The following ANKRD40 variants were observed in gnomAD, a reference collection of about 807,000 sequenced individuals.
The protein encoded by ANKRD40 is ankyrin repeat domain 40.
Under a neutral mutation model 35.5 loss-of-function variants are expected in ANKRD40, and 24 were observed. That is an observed-to-expected ratio of 0.68 (90% CI 0.49 to 0.95). The LOEUF (loss-of-function observed/expected upper bound fraction) is 0.95. Among genes scored for constraint, ANKRD40 ranks in the 40% least tolerant of loss-of-function variants. The pLI is 0.00. For missense variants in ANKRD40, 361 were observed against 436.0 expected (o/e 0.83, Z 1.53); for synonymous variants, 147 against 173.5 (o/e 0.85, Z 1.20).
At position 50,696,105 on chromosome 17, in the gene ANKRD40, C is replaced by T. The variant is rs367712743; in HGVS notation, c.999G>A (p.Leu333=). The T allele has an allele frequency of 6.8e-6, 11 of 1,614,068 alleles. No individual in the cohort carries two copies. The highest frequency in any genetic ancestry group is 9.3e-6 in the Non-Finnish European group (11 of 1,180,042). The stretch of plus-strand genomic sequence containing the variant: ...TTTCACTTATCATCAGAACCAGTTC[C>T]AGCTCCTGGAAATCTTGGAGTCGAG... ...DVARLQDFQE[L]ELVLMISENN... The change falls in exon 5 of 5, where the codon CTG becomes CTA. Residue 333 remains leucine, a synonymous_variant. Transcript: ENST00000285243.
chr17:50,697,301 C>T (rs955280820), intron 3 of ANKRD40, among the ~76,000 whole-genome samples, 180 bp from the exon 4 acceptor site: 3 of 152,192 alleles, frequency 2.0e-5, no homozygotes, highest in Non-Finnish European at 4.4e-5. Context: ...CCAGCTCTGC[C>T]TCTGCTGGGG....
At chr17:50,702,757 A>G (rs943135919) in intron 1 of ANKRD40, among the ~76,000 whole-genome samples, 53 of 152,306 alleles carry the variant, frequency 3.5e-4, no homozygotes, top group Non-Finnish European at 5.9e-5. Flanking sequence ...AAGCAGGGTT[A>G]AGTCAACATA....
chr17:50,699,274 G>A, intron 3 of ANKRD40, 125 bp downstream of exon 3: 2 of 1,294,600 alleles, frequency 1.5e-6, no homozygotes, highest in Non-Finnish European at 2.1e-6. Flanking sequence ...AGTAAAGGGA[G>A]TTCCTTATGT....
At chr17:50,697,416 C>T (rs1968213072) in intron 3 of ANKRD40, among the ~76,000 whole-genome samples, 1 of 152,144 alleles carries the variant, frequency 6.6e-6, no homozygotes, top group Non-Finnish European at 1.5e-5. Flanking sequence ...TTACTTCTGC[C>T]ATTGGAGCTA....
Position 50,699,878 on chromosome 17 carries a change from T to A in ANKRD40, c.299A>T (p.Asp100Val). The A allele has an allele frequency of 2.6e-6, 4 of 1,510,462 alleles. No homozygotes were observed. Among genetic ancestry groups the A allele is most frequent in the Non-Finnish European group, 3.5e-6 (4 of 1,130,210 alleles). 93.6% of individuals were successfully genotyped at this position (1,510,462 alleles called of 1,614,324 possible). A position where few individuals can be genotyped will look rare whatever the true frequency, so the allele number is the denominator to read the frequency against. Reference protein sequence around the residue: ...RKIMGVEEEDDDDDDDDNLPQ... With the variant: ...RKIMGVEEEDVDDDDDDNLPQ... ...GAGGTTGTCATCATCATCATCATCA[T>A]CATCTTCTTCTTCCACTTAAAAAGA... Residue 100 changes from aspartate (D) to valine (V), a missense_variant, in exon 3 of 5, where the codon GAT becomes GTT. Asp to Val is a radical substitution (Grantham distance 152). Around this residue, in one of 5 missense-constraint regions of ANKRD40, gnomAD observed 172 missense variants for 174.0 expected, o/e 0.99. Coordinates refer to ENST00000285243, the MANE Select transcript of ANKRD40 (RefSeq NM_052855.4).
rs1968177869 is a variant in ANKRD40, at chr17:50,694,851, T to C, written c.*1146A>G. On this transcript the variant is annotated 3_prime_UTR_variant, in exon 5 of 5. Coordinates refer to ENST00000285243, the MANE Select transcript of ANKRD40 (RefSeq NM_052855.4). ...AACAGATTTCAGAATTGTGTAAAAA[T>C]CCTAATAATTTCAAAATAACCTTTA... is the stretch of plus-strand genomic sequence containing the variant. 2 of 152,114 alleles carry C rather than the reference T, an allele frequency of 1.3e-5. No homozygotes were observed. The allele number at this position is 152,114 out of a possible 1,614,324, so 9.4% of individuals were successfully genotyped here. A position where few individuals can be genotyped will look rare whatever the true frequency, so the allele number is the denominator to read the frequency against.
Position 50,697,043 on chromosome 17 carries a change from T to A in ANKRD40, c.857A>T (p.Glu286Val), listed in dbSNP as rs1226910154. The change falls in exon 4 of 5, where the codon GAG becomes GTG. Residue 286 changes from glutamate to valine, a missense_variant. By Grantham distance (121) the Glu-to-Val change is moderately radical. Transcript: ENST00000285243. ...TCTGAGCAACTCTTGGTAGGTGAGC[T>A]CCTGTCGGTCCAGTTCAATTTCAAT... ...DFIEIELDRQ[E>V]LTYQELLRVC... is the part of the protein sequence containing the mutation. The A allele has an allele frequency of 6.2e-7, 1 of 1,614,032 alleles. No homozygotes were observed. Among genetic ancestry groups the A allele is most frequent in the Non-Finnish European group, 8.5e-7 (1 of 1,180,022 alleles).
intron 1 of ANKRD40, among the ~76,000 whole-genome samples, chr17:50,706,248 A>G (rs1968336557): frequency 6.6e-6 from 1 of 151,550 alleles, no homozygotes; most frequent in African/African-American, 2.4e-5. Context: ...CAGCCTCCCA[A>G]GTAGCTGAGA....
Position 50,693,276 on chromosome 17 carries a change from T to G in ANKRD40, c.*2721A>C, listed in dbSNP as rs1362959901. Reference sequence around the variant, plus strand: ...GCACAAAGAAAAAATCTTCAGTGAATGTTTACACACAGTGTGAACACATGC... The same window carrying G: ...GCACAAAGAAAAAATCTTCAGTGAAGGTTTACACACAGTGTGAACACATGC... On this transcript the variant is annotated 3_prime_UTR_variant, in exon 5 of 5. Coordinates refer to ENST00000285243, the MANE Select transcript of ANKRD40 (RefSeq NM_052855.4). The G allele has an allele frequency of 1.3e-5, 2 of 152,194 alleles. No individual in the cohort carries two copies. Among genetic ancestry groups the G allele is most frequent in the Non-Finnish European group, 2.9e-5 (2 of 68,038 alleles). The allele number at this position is 152,194 out of a possible 1,614,324, so 9.4% of individuals were successfully genotyped here. A position where few individuals can be genotyped will look rare whatever the true frequency, so the allele number is the denominator to read the frequency against.
chr17:50,693,547 T>C lies in ANKRD40; in HGVS notation c.*2450A>G, dbSNP rs1335225551. ...AGGACAGAGATACATCAAACCCACC[T>C]CTCACCAGAGACACCAGTCCCTTGC... On this transcript the variant is annotated 3_prime_UTR_variant, in exon 5 of 5. Transcript: ENST00000285243. The C allele has an allele frequency of 6.6e-6, 1 of 152,190 alleles. No homozygotes were observed. The highest frequency in any genetic ancestry group is 1.5e-5 in the Non-Finnish European group (1 of 68,072). The allele number at this position is 152,190 out of a possible 1,614,324, so 9.4% of individuals were successfully genotyped here.
chr17:50,705,782 T>C (rs1473257625), intron 1 of ANKRD40, among the ~76,000 whole-genome samples: 1 of 151,020 alleles, frequency 6.6e-6, no homozygotes, highest in Non-Finnish European at 1.5e-5. Flanking sequence ...TGCTGCAGCA[T>C]CCCAAGTAGC....
Position 50,696,926 on chromosome 17 carries a change from T to TA in ANKRD40, c.960+13dup. The TA allele has an allele frequency of 1.3e-6, 2 of 1,581,534 alleles. No homozygotes were observed. The highest frequency in any genetic ancestry group is 1.7e-6 in the Non-Finnish European group (2 of 1,163,648). ...AATGCAAAAAGCAGCCATTCATGCTTAGACTTTTCTTACCTTCCTTAACAG... is the reference window on the plus strand; with the variant it reads ...AATGCAAAAAGCAGCCATTCATGCTTAAGACTTTTCTTACCTTCCTTAACAG... On this transcript the variant is annotated intron_variant, in intron 4 of 4. Transcript: ENST00000285243.
At chr17:50,696,664 T>C (rs1268165594) in intron 4 of ANKRD40, 3 of 305,440 alleles carry the variant, frequency 9.8e-6, no homozygotes, top group South Asian at 1.1e-4. Context: ...AATGCAATGG[T>C]GTTTACAACT....
chr17:50,703,910 T>C (rs1038947726), intron 1 of ANKRD40, among the ~76,000 whole-genome samples: 2 of 152,034 alleles, frequency 1.3e-5, no homozygotes, highest in African/African-American at 4.8e-5. Flanking sequence ...TAGGAGGCTA[T>C]TGTAATAATC....
rs562590975 is a variant in ANKRD40 at position 50,707,051 on chromosome 17, G to GT, written c.134+469dup. ...AGAAGCAGAATGGTGATGCAAATGTGTTTTTTTTTCCTGGTCTTGGCTAAG... is the reference window on the plus strand; with the variant it reads ...AGAAGCAGAATGGTGATGCAAATGTGTTTTTTTTTTCCTGGTCTTGGCTAAG... On this transcript the variant is annotated intron_variant, in intron 1 of 4. Transcript: ENST00000285243. The surrounding 1 kb of genome is among the most constrained non-coding windows in gnomAD (Gnocchi z 4.8). Among the ~76,000 whole-genome samples, 110 of 150,956 alleles carry GT rather than the reference G, an allele frequency of 7.3e-4. No individual in the cohort carries two copies. The highest frequency in any genetic ancestry group is 3.1e-3 in the East Asian group (16 of 5,138).
At chr17:50,699,051 TG>T (rs1371752888) in intron 3 of ANKRD40, among the ~76,000 whole-genome samples, 2 of 150,262 alleles carry the variant, frequency 1.3e-5, no homozygotes, top group Non-Finnish European at 3.0e-5. Flanking sequence ...CTCAGCTACT[TG>T]GGAGGCTGAG....
intron 2 of ANKRD40, 112 bp from the exon 3 acceptor site, chr17:50,700,005 A>T: frequency 1.0e-6 from 1 of 977,284 alleles, no homozygotes; most frequent in Non-Finnish European, 1.4e-6. Context: ...GTCAGGTCAG[A>T]AGAAAAAAGA....
rs1968152527 is a variant in ANKRD40, at chr17:50,693,278, T to A, written c.*2719A>T. 6.6e-6 allele frequency: 1 copy of A among 152,180 alleles called. No homozygotes were observed. Among genetic ancestry groups the A allele is most frequent in the African/African-American group, 2.4e-5 (1 of 41,446 alleles). 9.4% of individuals were successfully genotyped at this position (152,180 alleles called of 1,614,324 possible). Reference sequence around the variant, plus strand: ...ACAAAGAAAAAATCTTCAGTGAATGTTTACACACAGTGTGAACACATGCTT... The same window carrying A: ...ACAAAGAAAAAATCTTCAGTGAATGATTACACACAGTGTGAACACATGCTT... On this transcript the variant is annotated 3_prime_UTR_variant, in exon 5 of 5. Transcript: ENST00000285243.
intron 1 of ANKRD40, among the ~76,000 whole-genome samples, chr17:50,702,147 G>GT (rs370170959): frequency 6.6e-6 from 1 of 152,188 alleles, no homozygotes; most frequent in East Asian, 1.9e-4. Flanking sequence ...GCTCACACCT[G>GT]TAATCCCAGC....
Sources: allele counts gnomAD v4.1 joint callset (sites outside exome capture counted in the v4.1 genomes callset), GRCh38; gene constraint gnomAD v4.1.1; regional missense constraint gnomAD v4.1.1; non-coding constraint Gnocchi (gnomAD v3.1); transcripts MANE v1.5; gene names NCBI Gene and HGNC (gene_info 2026-07-23, HGNC 2026-07-21).